HTT: variants seen among roughly 807,000 people sequenced by gnomAD.
HTT encodes huntington disease protein.
In HTT, 104 loss-of-function variants were observed where a neutral mutation model predicts 362.3. The observed-to-expected ratio is 0.29, with a 90% CI of 0.24 to 0.34. The LOEUF (loss-of-function observed/expected upper bound fraction) is 0.34. Ranked by LOEUF, HTT falls within the 10% of genes least tolerant of loss-of-function variation. The pLI is 1.00. For missense variants in HTT, 3,301 were observed against 3,928.6 expected (o/e 0.84, Z 4.27); for synonymous variants, 1,577 against 1,548.7 (o/e 1.02, Z -0.43).
chr4:3,186,706 C>G lies in HTT; in HGVS notation c.4976C>G (p.Thr1659Ser), dbSNP rs1375429273. The change falls in exon 38 of 67, where the codon ACT (threonine) becomes AGT (serine). Residue 1659 changes from threonine (T) to serine (S), a missense_variant. Coordinates refer to ENST00000355072, the MANE Select transcript of HTT (RefSeq NM_001388492.1). ...VDMLLRSMFVTPNTMASVSTV... is the reference protein window; with the variant it reads ...VDMLLRSMFVSPNTMASVSTV... Reference sequence around the variant, plus strand: ...ATGCTTTTACGGAGTATGTTCGTCACTCCAAACACAATGGTGAGTCTCTCG... The same window carrying G: ...ATGCTTTTACGGAGTATGTTCGTCAGTCCAAACACAATGGTGAGTCTCTCG... 1 of 1,613,592 alleles carries G rather than the reference C, an allele frequency of 6.2e-7. No homozygotes were observed. Among genetic ancestry groups the G allele is most frequent in the Admixed American group, 1.7e-5 (1 of 59,986 alleles).
intron 2 of HTT, among the ~76,000 whole-genome samples, chr4:3,098,684 G>C (rs144876891): frequency 2.6e-5 from 4 of 152,098 alleles, no homozygotes; most frequent in African/African-American, 9.7e-5. Flanking sequence ...TCTTTGTCTC[G>C]CACAACAAAA....
At chr4:3,105,519 A>G in intron 5 of HTT, 83 bp downstream of exon 5, 1 of 955,148 alleles carries the variant, frequency 1.0e-6, no homozygotes, top group Non-Finnish European at 1.7e-6. Flanking sequence ...ATGTCATTTC[A>G]AAAGTCTGCT....
In HTT at chr4:3,209,703, G is replaced by A. The variant is rs1720050249; in HGVS notation, c.6292-124G>A. 3.4e-6 allele frequency: 4 copies of A among 1,184,912 alleles called. No homozygotes were observed. In the South Asian group the frequency reaches 5.6e-5, roughly 17 times the overall value. The allele number at this position is 1,184,912 out of a possible 1,614,324, so 73.4% of individuals were successfully genotyped here. ...TGAGCCGTATAGCCACAGCCTGCCG[G>A]CCGGCAGCCCTCTCAGCCTAGTGCG... On this transcript the variant is annotated intron_variant, in intron 46 of 66. Coordinates refer to ENST00000355072, the MANE Select transcript of HTT (RefSeq NM_001388492.1).
At chr4:3,143,400 G>GCAC (rs1716441162) in intron 23 of HTT, among the ~76,000 whole-genome samples, 1 of 133,820 alleles carries the variant, frequency 7.5e-6, no homozygotes. Flanking sequence ...TCAAGCCACT[G>GCAC]CACTCCAGCC....
intron 48 of HTT, 25 bp downstream of exon 48, chr4:3,212,167 A>G (rs879099078): frequency 6.4e-7 from 1 of 1,560,416 alleles, no homozygotes; most frequent in Non-Finnish European, 8.7e-7. Flanking sequence ...AATTTATCTT[A>G]TTTTTAAAAA....
At chr4:3,216,287 G>T (rs1424547835) in intron 51 of HTT, among the ~76,000 whole-genome samples, 1 of 152,160 alleles carries the variant, frequency 6.6e-6, no homozygotes, top group Admixed American at 6.5e-5. Context: ...ACCTCTGTGG[G>T]TCCTTCAGGC....
Position 3,224,054 on chromosome 4 carries a change from C to G in HTT, c.7688C>G (p.Ser2563Ter). The G allele has an allele frequency of 6.2e-7, 1 of 1,613,918 alleles. No homozygotes were observed. Reference sequence around the variant, plus strand: ...GAGCAAGAGATTCAAGCAATGGTTTCAAAGAGAGAGAATATTGCCACCCAT... The same window carrying G: ...GAGCAAGAGATTCAAGCAATGGTTTGAAAGAGAGAGAATATTGCCACCCAT... ...IVEQEIQAMV[S>*]KRENIATHHL... Residue 2563 changes from serine (S) to a stop codon, truncating the protein, a stop_gained, in exon 56 of 67, where the codon TCA becomes TGA. Coordinates refer to ENST00000355072, the MANE Select transcript of HTT (RefSeq NM_001388492.1). LOFTEE classifies it high-confidence loss of function.
Position 3,209,870 on chromosome 4 carries a change from C to T in HTT, c.6335C>T (p.Ser2112Leu). ...GTCAAATCCCAGTGTTGGACCAGGTCAGATTCTGCACTGCTGGAAGGTGCA... is the reference window on the plus strand; with the variant it reads ...GTCAAATCCCAGTGTTGGACCAGGTTAGATTCTGCACTGCTGGAAGGTGCA... ...HLVKSQCWTRSDSALLEGAEL... is the reference protein window; with the variant it reads ...HLVKSQCWTRLDSALLEGAEL... The change falls in exon 47 of 67, where the codon TCA (serine) becomes TTA (leucine). Residue 2112 changes from serine (S) to leucine (L), a missense_variant. Coordinates refer to ENST00000355072, the MANE Select transcript of HTT (RefSeq NM_001388492.1). The T allele has an allele frequency of 6.2e-7, 1 of 1,614,104 alleles. No individual in the cohort carries two copies. Among genetic ancestry groups the T allele is most frequent in the Non-Finnish European group, 8.5e-7 (1 of 1,179,982 alleles).
At chr4:3,145,085 A>G (rs1050344481) in intron 23 of HTT, 67 bp from the exon 24 acceptor site, 3 of 1,129,266 alleles carry the variant, frequency 2.7e-6, no homozygotes, top group Non-Finnish European at 4.1e-6. Context: ...ATAAAGGGTA[A>G]CAGGAGATAT....
chr4:3,207,181 A>G (rs1376516326), intron 44 of HTT, 100 bp from the exon 45 acceptor site: 10 of 1,167,158 alleles, frequency 8.6e-6, no homozygotes, highest in Non-Finnish European at 1.3e-5. Flanking sequence ...TGCCCTTACT[A>G]GGATGAACTG....
chr4:3,076,129 C>T (rs1474730619), intron 1 of HTT, among the ~76,000 whole-genome samples: 1 of 152,116 alleles, frequency 6.6e-6, no homozygotes. Context: ...CAGCTTGTTA[C>T]TTTTTGGAAG....
At chr4:3,215,312 G>T (rs922948085) in intron 51 of HTT, 101 bp downstream of exon 51, 1 of 781,134 alleles carries the variant, frequency 1.3e-6, no homozygotes, top group South Asian at 1.6e-5. Context: ...TCCTGGAAGC[G>T]CACCGTAGCT....
chr4:3,209,022 G>T, intron 46 of HTT, 111 bp downstream of exon 46: 11 of 1,167,118 alleles, frequency 9.4e-6, no homozygotes, highest in Non-Finnish European at 1.3e-5. Context: ...GAGTTCTGGC[G>T]CTCGGCTCGG....
chr4:3,151,045 A>T (rs1430518304), intron 26 of HTT, among the ~76,000 whole-genome samples: 1 of 145,536 alleles, frequency 6.9e-6, no homozygotes, highest in Non-Finnish European at 1.5e-5. Flanking sequence ...TCTCAAAAAC[A>T]AAACAAAACA....
At chr4:3,194,317 T>G (rs866260809) in intron 40 of HTT, among the ~76,000 whole-genome samples, 1 of 152,230 alleles carries the variant, frequency 6.6e-6, no homozygotes, top group African/African-American at 2.4e-5. Context: ...GTTTGCCTAT[T>G]TCACATTCCA....
intron 29 of HTT, among the ~76,000 whole-genome samples, chr4:3,161,440 A>G (rs548755758): frequency 8.5e-5 from 13 of 152,308 alleles, no homozygotes; most frequent in East Asian, 5.8e-4. Context: ...TATGCCCAGT[A>G]ATGGGATTGC....
At chr4:3,075,224 GC>G in intron 1 of HTT, 136 bp downstream of exon 1, 1 of 866,320 alleles carries the variant, frequency 1.2e-6, no homozygotes, top group Non-Finnish European at 1.5e-6. Flanking sequence ...GCAACCCAGA[GC>G]CCATGAGGGA....
At chr4:3,221,137 C>G (rs1008439756) in intron 53 of HTT, among the ~76,000 whole-genome samples, 2 of 152,166 alleles carry the variant, frequency 1.3e-5, no homozygotes, top group African/African-American at 2.4e-5. Flanking sequence ...CAGGGGCACC[C>G]TGACTCCACT....
intron 51 of HTT, 150 bp from the exon 52 acceptor site, chr4:3,217,615 G>T: frequency 1.6e-6 from 1 of 636,132 alleles, no homozygotes. Flanking sequence ...CGGATATGAA[G>T]GTAGAATCTG....
Sources: allele counts gnomAD v4.1 joint callset (sites outside exome capture counted in the v4.1 genomes callset), GRCh38; gene constraint gnomAD v4.1.1; transcripts MANE v1.5; gene names NCBI Gene and HGNC (gene_info 2026-07-23, HGNC 2026-07-21).